Variants in GNG4 observed in about 807,000 individuals in gnomAD.
The protein encoded by GNG4 is G protein subunit gamma 4.
Under a neutral mutation model 5.8 loss-of-function variants are expected in GNG4, and 4 were observed. The observed-to-expected ratio is 0.69, with a 90% confidence interval of 0.34 to 1.57. The LOEUF (loss-of-function observed/expected upper bound fraction) is 1.57. Among genes scored for constraint, GNG4 ranks in the 40% most tolerant of loss-of-function variants. The pLI is 0.06. For missense variants in GNG4, 96 were observed against 95.1 expected (o/e 1.01, Z -0.04); for synonymous variants, 29 against 32.9 (o/e 0.88, Z 0.41).
chr1:235,585,342 C>T (rs751641563), intron 2 of GNG4, among the ~76,000 whole-genome samples: 10 of 152,206 alleles, frequency 6.6e-5, no homozygotes, highest in South Asian at 4.2e-4. Context: ...TGGGCTCAAG[C>T]GATCCTCCTG....
rs201497645 is a variant in GNG4, at chr1:235,572,221, C to CT, written c.99+11518dup. On this transcript the variant is annotated intron_variant, in intron 3 of 3. Transcript: ENST00000391854. ...AAGGTAAAAATACAGTACTAGATAT[C>CT]TTTTTTTTGAGATGGAGTCTCGCTC... Among the ~76,000 whole-genome samples, 670 of 151,980 alleles carry CT rather than the reference C, an allele frequency of 4.4e-3. 7 individuals are homozygous for CT. Among genetic ancestry groups the CT allele is most frequent in the African/African-American group, 0.016 (654 of 41,462 alleles).
At chr1:235,559,259 G>A (rs760720439) in intron 3 of GNG4, among the ~76,000 whole-genome samples, 2 of 152,080 alleles carry the variant, frequency 1.3e-5, no homozygotes, top group African/African-American at 4.8e-5. Flanking sequence ...ATGGTGTAAC[G>A]GTATATTTTA....
chr1:235,611,899 C>CA (rs1176803975), intron 1 of GNG4, among the ~76,000 whole-genome samples: 4 of 151,498 alleles, frequency 2.6e-5, no homozygotes, highest in East Asian at 1.9e-4. Flanking sequence ...CTCATCTCTA[C>CA]AAAAAATAAA....
At chr1:235,588,835 A>C (rs1194515493) in intron 2 of GNG4, 2 of 151,912 alleles carry the variant, frequency 1.3e-5, no homozygotes, top group Admixed American at 1.3e-4. Context: ...TCCCCACCCC[A>C]CCTACTCCAC....
intron 3 of GNG4, among the ~76,000 whole-genome samples, chr1:235,581,635 GCACCCTCC>G (rs1312726348): frequency 6.6e-6 from 1 of 151,624 alleles, no homozygotes; most frequent in Non-Finnish European, 1.5e-5. Flanking sequence ...TGAGGCCTCC[GCACCCTCC>G]GCCCTGAGAA....
intron 1 of GNG4, among the ~76,000 whole-genome samples, chr1:235,600,863 C>T (rs1410197269): frequency 6.6e-6 from 1 of 152,252 alleles, no homozygotes; most frequent in Non-Finnish European, 1.5e-5. Flanking sequence ...CACTGGCTGG[C>T]CATGAGCTAA....
At chr1:235,557,733 C>CTG (rs1427373629) in intron 3 of GNG4, among the ~76,000 whole-genome samples, 2 of 152,180 alleles carry the variant, frequency 1.3e-5, no homozygotes, top group African/African-American at 4.8e-5. Context: ...CCAGTACATC[C>CTG]TGTACATCAT....
chr1:235,552,047 T>C lies in GNG4; in HGVS notation c.*62A>G, dbSNP rs1686763381. 9 of 1,508,866 alleles carry C rather than the reference T, an allele frequency of 6.0e-6. No individual in the cohort carries two copies. In the East Asian group the frequency reaches 2.0e-4, roughly 34 times the overall value. 93.5% of individuals were successfully genotyped at this position (1,508,866 alleles called of 1,614,324 possible). On this transcript the variant is annotated 3_prime_UTR_variant, in exon 4 of 4. Transcript: ENST00000391854. ...GTCTCACTCCCTAAGGCTTAGAGCA[T>C]GCATGGTCTCTACAGGGGACTTTGA...
At chr1:235,558,809 C>T (rs1437330258) in intron 3 of GNG4, among the ~76,000 whole-genome samples, 6 of 152,226 alleles carry the variant, frequency 3.9e-5, no homozygotes, top group South Asian at 2.1e-4. Flanking sequence ...TGGAGCATCT[C>T]TGTGCCTCCC....
intron 1 of GNG4, among the ~76,000 whole-genome samples, chr1:235,611,220 T>G (rs1571912330): frequency 6.8e-6 from 1 of 148,140 alleles, no homozygotes; most frequent in Non-Finnish European, 1.5e-5. Flanking sequence ...CAGGCTGGAG[T>G]GAAGTGGTAC....
chr1:235,562,450 C>G (rs1013621269), intron 3 of GNG4, among the ~76,000 whole-genome samples: 8 of 151,898 alleles, frequency 5.3e-5, no homozygotes, highest in Admixed American at 5.2e-4. Context: ...AGTTCAAGAC[C>G]AGCCTGGCCA....
intron 3 of GNG4, among the ~76,000 whole-genome samples, chr1:235,580,398 G>A (rs2102938371): frequency 6.6e-6 from 1 of 152,098 alleles, no homozygotes; most frequent in East Asian, 1.9e-4. Context: ...ATTTAAAAAT[G>A]GTTAAAATGA....
chr1:235,598,489 A>C (rs917017848), intron 1 of GNG4, among the ~76,000 whole-genome samples: 1 of 152,136 alleles, frequency 6.6e-6, no homozygotes, highest in South Asian at 2.1e-4. Flanking sequence ...CACGCCTGTG[A>C]TCCCAGCTAT....
chr1:235,598,053 G>A (rs1401276878), intron 1 of GNG4, among the ~76,000 whole-genome samples: 1 of 152,164 alleles, frequency 6.6e-6, no homozygotes, highest in East Asian at 1.9e-4. Context: ...CTGAGGTGCT[G>A]GATCAAGGCT....
intron 3 of GNG4, among the ~76,000 whole-genome samples, chr1:235,582,712 T>C (rs1687666982): frequency 2.0e-5 from 3 of 152,210 alleles, no homozygotes; most frequent in African/African-American, 7.2e-5. Flanking sequence ...TTGCAGTTGG[T>C]ATCGGTATGT....
chr1:235,621,872 T>C (rs1688719533), intron 1 of GNG4, among the ~76,000 whole-genome samples: 1 of 152,082 alleles, frequency 6.6e-6, no homozygotes, highest in African/African-American at 2.4e-5. Context: ...AGATGGGGTT[T>C]TGCCATGTTG....
chr1:235,648,715 C>T lies in GNG4; in HGVS notation c.-123+947G>A, dbSNP rs1657577769. ...CGGGCGCAGCCTAGGCGGCCTTTTG[C>T]TCCGGCTGAGAGGCACGGGCCCGGT... On this transcript the variant is annotated intron_variant, in intron 1 of 3. Transcript: ENST00000391854. The surrounding 1 kb of genome is among the most constrained non-coding windows in gnomAD (Gnocchi z 5.0). Among the ~76,000 whole-genome samples, 1 of 152,246 alleles carries T rather than the reference C, an allele frequency of 6.6e-6. No individual in the cohort carries two copies. The highest frequency in any genetic ancestry group is 2.4e-5 in the African/African-American group (1 of 41,466).
chr1:235,641,326 A>G (rs1408409420), intron 1 of GNG4, among the ~76,000 whole-genome samples: 1 of 152,116 alleles, frequency 6.6e-6, no homozygotes, highest in African/African-American at 2.4e-5. Flanking sequence ...GGAGCTCAAG[A>G]TTGCAATGAA....
chr1:235,561,633 G>C (rs924009315), intron 3 of GNG4, among the ~76,000 whole-genome samples: 1 of 151,960 alleles, frequency 6.6e-6, no homozygotes, highest in African/African-American at 2.4e-5. Context: ...GACCTCAGGT[G>C]ATCTGCCTGC....
Sources: allele counts gnomAD v4.1 joint callset (sites outside exome capture counted in the v4.1 genomes callset), GRCh38; gene constraint gnomAD v4.1.1; non-coding constraint Gnocchi (gnomAD v3.1); transcripts MANE v1.5; gene names NCBI Gene and HGNC (gene_info 2026-07-23, HGNC 2026-07-21).